The following MME variants were observed in gnomAD, a reference collection of about 807,000 sequenced individuals.
MME encodes the protein membrane metalloendopeptidase, also known as neprilysin.
In MME, 98 loss-of-function variants were observed where a neutral mutation model predicts 113.2. The observed-to-expected ratio is 0.87, with a 90% confidence interval of 0.74 to 1.02. The LOEUF (loss-of-function observed/expected upper bound fraction) is 1.02, where lower values mean the gene tolerates loss of function less well. MME is among the 50% of genes least tolerant of loss of function. The pLI is 0.00. For synonymous variants in MME, 292 were observed against 300.6 expected (o/e 0.97, Z 0.30); for missense variants, 836 against 896.0 (o/e 0.93, Z 0.86).
chr3:155,091,041 C>T (rs1716248631), intron 3 of MME, among the ~76,000 whole-genome samples: 1 of 152,176 alleles, frequency 6.6e-6, no homozygotes, highest in Admixed American at 6.5e-5. Context: ...GGCCCTGTAG[C>T]AGCCTTTTAG....
At chr3:155,037,164 C>T (rs1713155696) in intron 1 of MME, among the ~76,000 whole-genome samples, 1 of 152,164 alleles carries the variant, frequency 6.6e-6, no homozygotes, top group Admixed American at 6.6e-5. Flanking sequence ...TAGTAAGTGG[C>T]AATGACTTAT....
chr3:155,063,366 T>A (rs1351945457), intron 1 of MME, among the ~76,000 whole-genome samples: 2 of 106,750 alleles, frequency 1.9e-5, no homozygotes, highest in African/African-American at 8.4e-5. Context: ...TATATTTATA[T>A]ATATTTATAT....
In MME at chr3:155,153,140, C is replaced by G. The variant is rs1053904283; in HGVS notation, c.1601+4487C>G. Among the ~76,000 whole-genome samples, 5 of 151,966 alleles carry G rather than the reference C, an allele frequency of 3.3e-5. No individual in the cohort carries two copies. In the East Asian group the frequency reaches 9.7e-4, roughly 30 times the overall value. ...CTCCCAGGTTCAAGCGATTCTCCTG[C>G]CCCAGCCTCCCGAGTAGCTGGAATT... On this transcript the variant is annotated intron_variant, in intron 16 of 22. Coordinates refer to ENST00000360490, the MANE Select transcript of MME (RefSeq NM_007289.4).
In MME at chr3:155,139,769, A is replaced by G. The variant is rs116535278; in HGVS notation, c.856-422A>G. Among the ~76,000 whole-genome samples, 346 of 152,258 alleles carry G rather than the reference A, an allele frequency of 2.3e-3. 2 individuals are homozygous for G. The highest frequency in any genetic ancestry group is 8.1e-3 in the African/African-American group (337 of 41,554). On this transcript the variant is annotated intron_variant, in intron 9 of 22. Coordinates refer to ENST00000360490, the MANE Select transcript of MME (RefSeq NM_007289.4). ...TCTTGCACCTTTTTTTCCTTGCTGA[A>G]TTTTAACTAGGACACCGAATGGTAA... is the stretch of plus-strand genomic sequence containing the variant.
At chr3:155,078,948 G>T (rs915099958), upstream of MME, among the ~76,000 whole-genome samples, 1 of 152,084 alleles carries the variant, frequency 6.6e-6, no homozygotes, top group Non-Finnish European at 1.5e-5. Context: ...GGGTCCAGGC[G>T]CATTACGGCT....
intron 20 of MME, among the ~76,000 whole-genome samples, chr3:155,169,402 A>G (rs758307418): frequency 1.1e-4 from 16 of 152,170 alleles, no homozygotes; most frequent in Admixed American, 3.3e-4. Flanking sequence ...CTTGCATTCA[A>G]TACATATTCA....
At chr3:155,151,638 G>A (rs948176746) in intron 16 of MME, among the ~76,000 whole-genome samples, 1 of 151,980 alleles carries the variant, frequency 6.6e-6, no homozygotes, top group African/African-American at 2.4e-5. Flanking sequence ...AATAATATCT[G>A]CCCATTTTCT....
chr3:155,084,429 A>G, intron 2 of MME, 102 bp downstream of exon 2: 3 of 1,147,108 alleles, frequency 2.6e-6, no homozygotes, highest in Non-Finnish European at 3.9e-6. Flanking sequence ...GGATAGAGGC[A>G]CTTAAAGACT....
rs767841325 is a variant in MME, at chr3:155,142,079, CAG to C, written c.1048_1049del (p.Glu350IlefsTer6). ...GAGGAAGATGTGGTTGTTTATGCTC[CAG>C]AATATTTAACCAAACTTAAGCCCAT... On this transcript the variant is annotated frameshift_variant, in exon 11 of 23. Coordinates refer to ENST00000360490, the MANE Select transcript of MME (RefSeq NM_007289.4). LOFTEE classifies it high-confidence loss of function. The C allele has an allele frequency of 3.1e-6, 5 of 1,613,658 alleles. No individual in the cohort carries two copies. The highest frequency in any genetic ancestry group is 2.7e-5 in the African/African-American group (2 of 74,866).
At chr3:155,070,293 C>T (rs1161007718) in intron 1 of MME, among the ~76,000 whole-genome samples, 1 of 152,170 alleles carries the variant, frequency 6.6e-6, no homozygotes, top group Admixed American at 6.5e-5. Context: ...AGATTTCTTA[C>T]ATTAAAAGCA....
intron 8 of MME, among the ~76,000 whole-genome samples, chr3:155,125,542 C>T (rs910856586): frequency 2.0e-4 from 28 of 142,866 alleles, no homozygotes; most frequent in African/African-American, 6.4e-4. Flanking sequence ...TCACTGCAAC[C>T]TCCGCCTCCC....
chr3:155,084,504 T>A, intron 2 of MME, 177 bp downstream of exon 2: 2 of 675,352 alleles, frequency 3.0e-6, no homozygotes, highest in Non-Finnish European at 5.1e-6. Context: ...TGAAGTACGG[T>A]GCCTTTTATG....
intron 2 of MME, 136 bp downstream of exon 2, chr3:155,084,463 T>C: frequency 4.6e-6 from 4 of 869,092 alleles, no homozygotes; most frequent in Non-Finnish European, 7.4e-6. Context: ...ATTTATAAAA[T>C]GTAACATCAA....
upstream of MME, among the ~76,000 whole-genome samples, chr3:155,078,273 A>G (rs1409335335): frequency 2.0e-5 from 3 of 152,164 alleles, no homozygotes; most frequent in Admixed American, 6.5e-5. Context: ...CAAGCCCCGC[A>G]TGCTTATTTG....
At chr3:155,082,224 G>A (rs1715214361) in intron 1 of MME, among the ~76,000 whole-genome samples, 1 of 151,970 alleles carries the variant, frequency 6.6e-6, no homozygotes, top group Non-Finnish European at 1.5e-5. Context: ...ACTTTACAGG[G>A]ACACTGACTG....
chr3:155,094,908 G>A (rs1378673411), intron 3 of MME, among the ~76,000 whole-genome samples: 2 of 152,174 alleles, frequency 1.3e-5, no homozygotes. Flanking sequence ...TATTCAATGC[G>A]TGGTCCATGG....
intron 3 of MME, among the ~76,000 whole-genome samples, chr3:155,106,711 T>C (rs2108229659): frequency 6.6e-6 from 1 of 152,322 alleles, no homozygotes; most frequent in East Asian, 1.9e-4. Flanking sequence ...CTTGTACTTT[T>C]AGAATGTTGT....
intron 22 of MME, among the ~76,000 whole-genome samples, chr3:155,177,132 A>C (rs935446813): frequency 6.6e-6 from 1 of 152,200 alleles, no homozygotes; most frequent in African/African-American, 2.4e-5. Flanking sequence ...TTTTAAGAAA[A>C]ATATAGAATT....
chr3:155,164,946 A>G (rs1722982227), intron 17 of MME, among the ~76,000 whole-genome samples: 1 of 152,100 alleles, frequency 6.6e-6, no homozygotes, highest in Non-Finnish European at 1.5e-5. Flanking sequence ...TAAATATCTA[A>G]TATTTATCCC....
Sources: allele counts gnomAD v4.1 joint callset (sites outside exome capture counted in the v4.1 genomes callset), GRCh38; gene constraint gnomAD v4.1.1; transcripts MANE v1.5; gene names NCBI Gene and HGNC (gene_info 2026-07-23, HGNC 2026-07-21).